The following DNA2 variants were observed in gnomAD, a reference collection of about 807,000 sequenced individuals.
DNA2 encodes the protein DNA replication helicase/nuclease 2, also known as DNA replication ATP-dependent helicase/nuclease DNA2.
DNA2 carries 101 observed loss-of-function variants against 119.1 expected under a neutral mutation model. The observed-to-expected ratio is 0.85, with a 90% CI of 0.72 to 1.00. The LOEUF is 1.00. Among genes scored for constraint, DNA2 ranks in the 50% least tolerant of loss-of-function variants. The pLI is 0.00. For missense variants in DNA2, 1,121 were observed against 1,255.5 expected (o/e 0.89, Z 1.62); for synonymous variants, 366 against 424.4 (o/e 0.86, Z 1.69).
chr10:68,459,058 T>C, intron 5 of DNA2, 46 bp downstream of exon 5: 4 of 1,457,154 alleles, frequency 2.7e-6, no homozygotes, highest in Non-Finnish European at 9.1e-7. Flanking sequence ...GGCATCCTGG[T>C]CTAAAAATAT....
chr10:68,468,319 C>A lies in DNA2; in HGVS notation c.258-13G>T. 1.3e-6 allele frequency: 2 copies of A among 1,516,156 alleles called. No individual in the cohort carries two copies. The highest frequency in any genetic ancestry group is 1.4e-5 in the African/African-American group (1 of 72,392). 93.9% of individuals were successfully genotyped at this position (1,516,156 alleles called of 1,614,324 possible). On this transcript the variant is annotated splice_polypyrimidine_tract_variant and intron_variant, in intron 2 of 20. Coordinates refer to ENST00000358410, the MANE Select transcript of DNA2 (RefSeq NM_001080449.3). ...TGGAACAGAACACCTGAAAATAAAGCAAAGTTAAAGTATAAATACATAGCT... is the reference window on the plus strand; with the variant it reads ...TGGAACAGAACACCTGAAAATAAAGAAAAGTTAAAGTATAAATACATAGCT...
rs760461765 is a variant in DNA2, at chr10:68,422,694, T to C, written c.2402+3A>G. 1 of 1,613,442 alleles carries C rather than the reference T, an allele frequency of 6.2e-7. No homozygotes were observed. The highest frequency in any genetic ancestry group is 2.2e-5 in the East Asian group (1 of 44,874). The stretch of plus-strand genomic sequence containing the variant: ...TAAAATTAACACTTAAGTGTCTGCC[T>C]ACCTTGCTTCACGGTTTAGCACCAG... On this transcript the variant is annotated splice_donor_region_variant and intron_variant, in intron 15 of 20. Transcript: ENST00000358410.
intron 4 of DNA2, among the ~76,000 whole-genome samples, chr10:68,464,817 G>A (rs1271822492): frequency 1.1e-5 from 1 of 88,876 alleles, no homozygotes; most frequent in Non-Finnish European, 2.0e-5. Context: ...CAACAAGAGC[G>A]AAACTCCACC....
chr10:68,453,560 G>A (rs2052146791), intron 5 of DNA2, among the ~76,000 whole-genome samples: 1 of 152,116 alleles, frequency 6.6e-6, no homozygotes, highest in Non-Finnish European at 1.5e-5. Flanking sequence ...CGTCAACCTA[G>A]GATAGTGGTC....
rs1388335853 is a variant in DNA2, at chr10:68,414,086, TAAATA to T, written c.*948_*952del. The T allele has an allele frequency of 1.3e-5, 2 of 151,648 alleles. No individual in the cohort carries two copies. Among genetic ancestry groups the T allele is most frequent in the Non-Finnish European group, 2.9e-5 (2 of 67,954 alleles). The allele number at this position is 151,648 out of a possible 1,614,324, so 9.4% of individuals were successfully genotyped here. ...AGATCCATTAGTAGAAAAAATTTAT[TAAATA>T]AAAAACTTCAAGTAATAATTTAAAA... On this transcript the variant is annotated 3_prime_UTR_variant, in exon 21 of 21. Coordinates refer to ENST00000358410, the MANE Select transcript of DNA2 (RefSeq NM_001080449.3).
At chr10:68,430,199 T>C (rs957565015) in intron 14 of DNA2, among the ~76,000 whole-genome samples, 8 of 152,062 alleles carry the variant, frequency 5.3e-5, no homozygotes, top group Non-Finnish European at 8.8e-5. Flanking sequence ...CCCTGATTAT[T>C]AGTAGTTTCC....
In DNA2 at chr10:68,422,602, G is replaced by T; in HGVS notation, c.2405C>A (p.Ala802Asp). ...GAATAAGCTTTCACTCATGCCAAGA[G>T]CTCTGTCAATAAATCAGATTCATGT... ...PPLVLNREARALGMSESLFKR... is the reference protein window; with the variant it reads ...PPLVLNREARDLGMSESLFKR... Residue 802 changes from alanine (A) to aspartate (D), a missense_variant and splice_region_variant, in exon 16 of 21, where the codon GCT becomes GAT. Physicochemically the swap from Ala to Asp is moderately radical, Grantham distance 126. Transcript: ENST00000358410. 1.2e-6 allele frequency: 2 copies of T among 1,613,930 alleles called. No individual in the cohort carries two copies. Among genetic ancestry groups the T allele is most frequent in the South Asian group, 2.2e-5 (2 of 91,086 alleles).
At chr10:68,446,214 T>C (rs2052037267) in intron 7 of DNA2, 82 bp downstream of exon 7, 1 of 712,754 alleles carries the variant, frequency 1.4e-6, no homozygotes, top group East Asian at 2.7e-5. Context: ...TGTGAGTAGA[T>C]TGTCAGGTAT....
chr10:68,471,981 C>G, upstream of DNA2: 1 of 1,611,796 alleles, frequency 6.2e-7, no homozygotes, highest in Non-Finnish European at 8.5e-7. Flanking sequence ...CATGCGCCAA[C>G]CCGCAGATGT....
At chr10:68,427,339 TA>T (rs2051755369) in intron 14 of DNA2, among the ~76,000 whole-genome samples, 1 of 140,838 alleles carries the variant, frequency 7.1e-6, no homozygotes, top group South Asian at 2.2e-4. Context: ...GCCTGGGCAA[TA>T]ACGTGTCAAA....
upstream of DNA2, chr10:68,472,062 C>T: frequency 6.3e-7 from 1 of 1,594,252 alleles, no homozygotes; most frequent in Non-Finnish European, 8.5e-7. Context: ...ACCTGAGCAG[C>T]AGGGCTCTGT....
chr10:68,444,906 G>A lies in DNA2; in HGVS notation c.1220+15C>T. The A allele has an allele frequency of 6.2e-7, 1 of 1,604,468 alleles. No homozygotes were observed. Among genetic ancestry groups the A allele is most frequent in the Non-Finnish European group, 8.5e-7 (1 of 1,172,666 alleles). ...TACTCAACTAGAAATAATGCCTTTG[G>A]TAGACAATATTTACCTGCTATAAAG... is the stretch of plus-strand genomic sequence containing the variant. On this transcript the variant is annotated intron_variant, in intron 8 of 20. Transcript: ENST00000358410.
At chr10:68,424,885 T>C (rs909392685) in intron 14 of DNA2, 1 of 741,344 alleles carries the variant, frequency 1.3e-6, no homozygotes, top group African/African-American at 1.7e-5. Context: ...ATCACCAGGC[T>C]AAATCTCAAC....
intron 17 of DNA2, among the ~76,000 whole-genome samples, chr10:68,421,001 C>T (rs1345878918): frequency 1.3e-5 from 2 of 151,422 alleles, no homozygotes; most frequent in Non-Finnish European, 2.9e-5. Context: ...TGCAGTGGCG[C>T]GATCTCGGCT....
intron 5 of DNA2, among the ~76,000 whole-genome samples, chr10:68,458,647 G>A (rs1351984991): frequency 2.0e-5 from 3 of 151,574 alleles, no homozygotes; most frequent in Admixed American, 6.6e-5. Context: ...TTAGGAGTTC[G>A]AGGCCAGTCT....
chr10:68,432,973 C>A (rs1355546176), intron 10 of DNA2, among the ~76,000 whole-genome samples: 2 of 152,094 alleles, frequency 1.3e-5, no homozygotes, highest in East Asian at 1.9e-4. Context: ...GGTCCCAGGC[C>A]CTCACGTGCC....
At chr10:68,442,016 C>T (rs2051975369) in intron 9 of DNA2, among the ~76,000 whole-genome samples, 1 of 151,842 alleles carries the variant, frequency 6.6e-6, no homozygotes, top group African/African-American at 2.4e-5. Context: ...CAACCTTCAC[C>T]TCTGGCTCAA....
chr10:68,459,258 T>C, intron 4 of DNA2, 23 bp from the exon 5 acceptor site: 1 of 1,510,574 alleles, frequency 6.6e-7, no homozygotes, highest in South Asian at 1.3e-5. Flanking sequence ...TAATAGTAAA[T>C]AGACTTAGAC....
At chr10:68,431,003 G>A (rs377580832) in intron 13 of DNA2, among the ~76,000 whole-genome samples, 1 of 151,882 alleles carries the variant, frequency 6.6e-6, no homozygotes, top group East Asian at 1.9e-4. Context: ...AGCCAAATGA[G>A]GTGGTGCGCC....
Sources: allele counts gnomAD v4.1 joint callset (sites outside exome capture counted in the v4.1 genomes callset), GRCh38; gene constraint gnomAD v4.1.1; transcripts MANE v1.5; gene names NCBI Gene and HGNC (gene_info 2026-07-23, HGNC 2026-07-21).